Variants in SATL1 observed in about 807,000 individuals in gnomAD.
SATL1 encodes spermidine/spermine N(1)-acetyltransferase-like protein 1.
Under a neutral mutation model 51.8 loss-of-function variants are expected in SATL1, and 47 were observed. The observed-to-expected ratio is 0.91, with a 90% CI of 0.72 to 1.16. The LOEUF (loss-of-function observed/expected upper bound fraction) is 1.16, where lower values mean the gene tolerates loss of function less well. SATL1 is among the 50% of genes most tolerant of loss of function. The pLI is 0.00. For missense variants in SATL1, 520 were observed against 526.4 expected, an observed-to-expected ratio of 0.99 and a Z score of 0.12; for synonymous variants, 176 against 182.4, an observed-to-expected ratio of 0.97 and a Z score of 0.28.
intron 2 of SATL1, among the ~76,000 whole-genome samples, chrX:85,205,484 C>T (rs1298726912): frequency 1.8e-5 from 2 of 111,604 alleles, no homozygotes. Flanking sequence ...GAGTGGATAA[C>T]ATTAATTGGA....
chrX:85,165,638 G>T (rs749121582), intron 2 of SATL1, among the ~76,000 whole-genome samples: 1 of 111,263 alleles, frequency 9.0e-6, no homozygotes, highest in Admixed American at 9.6e-5. Context: ...AATATTACCA[G>T]AATTTACTTT....
At chrX:85,114,544 C>A (rs1306087719) in intron 2 of SATL1, among the ~76,000 whole-genome samples, 3 of 111,924 alleles carry the variant, frequency 2.7e-5, no homozygotes, top group African/African-American at 9.8e-5. Flanking sequence ...AGGATTAAAA[C>A]AAGACAACAA....
chrX:85,242,557 C>T (rs961762686), intron 1 of SATL1, among the ~76,000 whole-genome samples: 3 of 112,356 alleles, frequency 2.7e-5, no homozygotes, highest in Non-Finnish European at 5.6e-5. Flanking sequence ...TAAAGTTCTA[C>T]TGGAACACAG....
intron 2 of SATL1, among the ~76,000 whole-genome samples, chrX:85,212,452 TGA>T (rs1209192977): frequency 9.0e-6 from 1 of 111,429 alleles, no homozygotes; most frequent in Non-Finnish European, 1.9e-5. Flanking sequence ...AACCCTAGTT[TGA>T]GTGAGAAATA....
Position 85,092,557 on chromosome X carries a change from G to A in SATL1, c.1922C>T (p.Ala641Val), listed in dbSNP as rs1161601382. The change falls in exon 8 of 8, where the codon GCC (alanine) becomes GTC (valine). Residue 641 changes from alanine to valine, a missense_variant. Coordinates refer to ENST00000644105, the MANE Select transcript of SATL1 (RefSeq NM_001367857.2). ...CATGCAGTTACATTGAGTTGTGATG[G>A]CTATCTGTTTAAAAACAAACAAGCA... The part of the protein sequence containing the change: ...AEMLKRLSQI[A>V]ITTQCNCMHF... 1 of 1,201,335 alleles carries A rather than the reference G, an allele frequency of 8.3e-7. No homozygotes were observed.
At chrX:85,136,699 G>A (rs1194374454) in intron 2 of SATL1, among the ~76,000 whole-genome samples, 1 of 112,008 alleles carries the variant, frequency 8.9e-6, no homozygotes, top group African/African-American at 3.2e-5. Context: ...AGGCTGAGGA[G>A]TAGTAAGAAG....
intron 2 of SATL1, among the ~76,000 whole-genome samples, chrX:85,169,079 A>G (rs968433306): frequency 5.4e-5 from 6 of 112,118 alleles, no homozygotes; most frequent in African/African-American, 1.9e-4. Flanking sequence ...CATGCAGAAG[A>G]CTAACTGGAT....
intron 2 of SATL1, among the ~76,000 whole-genome samples, chrX:85,147,437 A>G (rs1418306363): frequency 8.8e-6 from 1 of 114,251 alleles, no homozygotes; most frequent in Non-Finnish European, 1.9e-5. Context: ...GCAGACTTAA[A>G]TGTCCCTGTC....
rs187091485 is a variant in SATL1 at position 85,175,708 on chromosome X, C to T, written c.-313+48497G>A. 3.3e-3 allele frequency among the ~76,000 whole-genome samples: 361 copies of T among 110,312 alleles called. 2 individuals carry two copies. The highest frequency in any genetic ancestry group is 0.011 in the African/African-American group (347 of 30,350). On this transcript the variant is annotated intron_variant, in intron 2 of 7. Coordinates refer to ENST00000644105, the MANE Select transcript of SATL1 (RefSeq NM_001367857.2). The stretch of plus-strand genomic sequence containing the variant: ...TATTAAGGCTTTTGACGCCCCTTGG[C>T]TTAAAAAAAATGAGGAGAGGGAATG...
intron 2 of SATL1, among the ~76,000 whole-genome samples, chrX:85,121,599 C>T (rs1925510269): frequency 9.4e-6 from 1 of 106,423 alleles, no homozygotes; most frequent in African/African-American, 3.4e-5. Context: ...TCCTCCACAC[C>T]TCCCTTAAGT....
At chrX:85,092,673 C>T (rs1569463023) in intron 7 of SATL1, 112 bp from the exon 8 acceptor site, 7 of 697,794 alleles carry the variant, frequency 1.0e-5, no homozygotes, top group Non-Finnish European at 1.4e-5. Context: ...GTGAATAATA[C>T]TTCCAAATAT....
chrX:85,192,009 T>C (rs1209962128), intron 2 of SATL1, among the ~76,000 whole-genome samples: 1 of 112,164 alleles, frequency 8.9e-6, no homozygotes, highest in Non-Finnish European at 1.9e-5. Context: ...ACTTGATCCT[T>C]GAGTATTCTC....
chrX:85,151,543 A>T (rs1464626324), intron 2 of SATL1, among the ~76,000 whole-genome samples: 1 of 111,759 alleles, frequency 8.9e-6, no homozygotes, highest in African/African-American at 3.3e-5. Flanking sequence ...AGCTGGAGGC[A>T]TCATGCTACC....
intron 2 of SATL1, among the ~76,000 whole-genome samples, chrX:85,117,966 CTT>C (rs1270290365): frequency 9.2e-6 from 1 of 108,857 alleles, no homozygotes; most frequent in East Asian, 2.9e-4. Context: ...GGACAAAAGA[CTT>C]TTTTTGTTTA....
At chrX:85,142,951 C>A (rs1345538012) in intron 2 of SATL1, 1 of 110,928 alleles carries the variant, frequency 9.0e-6, no homozygotes, top group Non-Finnish European at 1.9e-5. Context: ...CTTATCTTTT[C>A]TTCATCTCTT....
intron 4 of SATL1, among the ~76,000 whole-genome samples, chrX:85,102,522 G>A (rs1380292870): frequency 9.0e-6 from 1 of 111,202 alleles, no homozygotes; most frequent in Non-Finnish European, 1.9e-5. Context: ...ATATCTCACC[G>A]GCCTCTATAC....
chrX:85,150,473 G>A (rs1436273171), intron 2 of SATL1, among the ~76,000 whole-genome samples: 1 of 107,082 alleles, frequency 9.3e-6, no homozygotes, highest in African/African-American at 3.5e-5. Flanking sequence ...TATGAGGCCA[G>A]CATCATCCTG....
chrX:85,119,193 G>T (rs981538390), intron 2 of SATL1, among the ~76,000 whole-genome samples: 6 of 111,394 alleles, frequency 5.4e-5, no homozygotes, highest in Non-Finnish European at 1.1e-4. Context: ...TACAGTCCCT[G>T]GGTTCAGCTC....
chrX:85,148,338 A>T (rs1926318452), intron 2 of SATL1, among the ~76,000 whole-genome samples: 1 of 109,491 alleles, frequency 9.1e-6, no homozygotes, highest in South Asian at 4.0e-4. Flanking sequence ...TCTACGTCTG[A>T]GTGGTGTACC....
Sources: allele counts gnomAD v4.1 joint callset (sites outside exome capture counted in the v4.1 genomes callset), GRCh38; gene constraint gnomAD v4.1.1; transcripts MANE v1.5; gene names NCBI Gene and HGNC (gene_info 2026-07-23, HGNC 2026-07-21).